Variants in TTC39A observed in about 807,000 individuals in gnomAD.
The protein encoded by TTC39A is tetratricopeptide repeat domain 39A, also known as tetratricopeptide repeat protein 39A.
A neutral mutation model predicts 82.3 loss-of-function variants in TTC39A; 46 were observed. The ratio of observed to expected loss-of-function variants is 0.56; its 90% CI spans 0.44 to 0.71. The LOEUF is 0.71. TTC39A is among the 30% of genes least tolerant of loss of function. TTC39A has a pLI of 0.00. For missense variants in TTC39A, 543 were observed against 712.9 expected, an observed-to-expected ratio of 0.76 and a Z score of 2.71; for synonymous variants, 254 against 275.2, an observed-to-expected ratio of 0.92 and a Z score of 0.76.
intron 1 of TTC39A, among the ~76,000 whole-genome samples, chr1:51,327,590 A>G (rs1645758074): frequency 6.6e-6 from 1 of 152,196 alleles, no homozygotes; most frequent in Non-Finnish European, 1.5e-5. Context: ...TGGGAATGAC[A>G]GTACTTACCT....
rs372567353 is a variant in TTC39A at position 51,294,353 on chromosome 1, T to C, written c.1266+38A>G. The stretch of plus-strand genomic sequence containing the variant: ...CTCTCAGTGAATCCCCACAATCCTA[T>C]ACCCGGAGGGCAGCGCCAGTCCAGA... On this transcript the variant is annotated intron_variant, in intron 14 of 17. Coordinates refer to ENST00000680483, the MANE Select transcript of TTC39A (RefSeq NM_001297663.2). The surrounding 1 kb of genome is among the most constrained non-coding windows in gnomAD (Gnocchi z 4.3). The C allele has an allele frequency of 2.2e-5, 36 of 1,613,208 alleles. No homozygotes were observed. The highest frequency in any genetic ancestry group is 3.3e-5 in the South Asian group (3 of 91,070).
rs550158381 is a variant in TTC39A at position 51,309,719 on chromosome 1, G to A, written c.424-394C>T. On this transcript the variant is annotated intron_variant, in intron 5 of 17. Coordinates refer to ENST00000680483, the MANE Select transcript of TTC39A (RefSeq NM_001297663.2). ...CTCTGTTGCCTACAGCCAGCCAGCA[G>A]CTCTATTCACTGTGTACACCCAACG... 2.0e-5 allele frequency among the ~76,000 whole-genome samples: 3 copies of A among 152,318 alleles called. No individual in the cohort carries two copies. In the South Asian group the frequency reaches 6.2e-4, roughly 32 times the overall value.
intron 12 of TTC39A, among the ~76,000 whole-genome samples, chr1:51,296,542 C>T (rs960672365): frequency 2.0e-5 from 3 of 152,248 alleles, no homozygotes; most frequent in Admixed American, 2.0e-4. Flanking sequence ...CCCAGACAGG[C>T]CTTCCAGCCA....
upstream of TTC39A, chr1:51,331,849 G>A (rs915086554): frequency 2.0e-5 from 20 of 980,706 alleles, no homozygotes; most frequent in Non-Finnish European, 2.4e-5. Context: ...CCTGGAAGAG[G>A]TGGTGACAGA....
Position 51,294,573 on chromosome 1 carries a change from C to CCA in TTC39A, c.1146-64_1146-63dup. 1 of 1,603,570 alleles carries CCA rather than the reference C, an allele frequency of 6.2e-7. No individual in the cohort carries two copies. The highest frequency in any genetic ancestry group is 1.1e-5 in the South Asian group (1 of 89,702). On this transcript the variant is annotated intron_variant, in intron 13 of 17. Transcript: ENST00000680483. The surrounding 1 kb of genome is among the most constrained non-coding windows in gnomAD (Gnocchi z 4.3). ...AAGAGCAGGAGAGGGCAGAGGGTCC[C>CCA]CAGCCTACCCAGCTATGCTTGGCGC...
chr1:51,299,058 G>A (rs971621320), intron 12 of TTC39A: 10 of 152,336 alleles, frequency 6.6e-5, no homozygotes, highest in Admixed American at 2.6e-4. Context: ...CAAAAGCTTC[G>A]GGAAAGGATT....
chr1:51,328,272 C>A (rs553604430), intron 1 of TTC39A, among the ~76,000 whole-genome samples: 1 of 152,318 alleles, frequency 6.6e-6, no homozygotes, highest in African/African-American at 2.4e-5. Flanking sequence ...TCGTGAAACA[C>A]ATGTGCAAAC....
Position 51,289,968 on chromosome 1 carries a change from A to C in TTC39A, c.1493+37T>G, listed in dbSNP as rs150130613. 210 of 1,568,152 alleles carry C rather than the reference A, an allele frequency of 1.3e-4. No individual in the cohort carries two copies. The East Asian group carries it at 4.3e-3, about 32-fold the overall frequency. On this transcript the variant is annotated intron_variant, in intron 16 of 17. Coordinates refer to ENST00000680483, the MANE Select transcript of TTC39A (RefSeq NM_001297663.2). ...AAGCCCTGAATATTCTACCCAGGAG[A>C]CTCAGACCCAGAAGGAGCAGCTGCA...
At chr1:51,319,101 G>A (rs1645398291) in intron 2 of TTC39A, among the ~76,000 whole-genome samples, 1 of 152,148 alleles carries the variant, frequency 6.6e-6, no homozygotes, top group Non-Finnish European at 1.5e-5. Flanking sequence ...CTTAATACAT[G>A]CCAGGCACTG....
chr1:51,322,572 GTAAATGAATGAA>G lies in TTC39A; in HGVS notation c.42-759_42-748del, dbSNP rs1200791526. Among the ~76,000 whole-genome samples, 14 of 104,962 alleles carry G rather than the reference GTAAATGAATGAA, an allele frequency of 1.3e-4. No individual in the cohort carries two copies. In the East Asian group the frequency reaches 2.0e-3, roughly 15 times the overall value. 68.9% of individuals were successfully genotyped at this position (104,962 alleles called of 152,430 possible). ...TAGGCTTTTAATAAATATCTGTTAGGTAAATGAATGAATGAATGAATGAATGAATGAATGAAT... is the reference window on the plus strand; with the variant it reads ...TAGGCTTTTAATAAATATCTGTTAGGTGAATGAATGAATGAATGAATGAAT... On this transcript the variant is annotated intron_variant, in intron 1 of 17. Transcript: ENST00000680483.
At chr1:51,313,844 A>C (rs1197012495) in intron 2 of TTC39A, among the ~76,000 whole-genome samples, 1 of 152,148 alleles carries the variant, frequency 6.6e-6, no homozygotes, top group Non-Finnish European at 1.5e-5. Flanking sequence ...AAAAAGTAAT[A>C]ATAATTTTTT....
At chr1:51,311,346 G>C (rs754319817) in intron 4 of TTC39A, 25 bp from the exon 5 acceptor site, 4 of 1,555,684 alleles carry the variant, frequency 2.6e-6, no homozygotes, top group African/African-American at 2.7e-5. Flanking sequence ...CCAAAGCCCC[G>C]TGGCCTCCTG....
chr1:51,288,806 G>T lies in TTC39A; in HGVS notation c.1610+33C>A, dbSNP rs760088555. 1.9e-6 allele frequency: 3 copies of T among 1,559,540 alleles called. No homozygotes were observed. Among genetic ancestry groups the T allele is most frequent in the Non-Finnish European group, 8.7e-7 (1 of 1,148,816 alleles). ...AGCTCCTGAGCTGAGTTCAGAGGGA[G>T]CAAAGGACAGACTGAGGTTACCCAA... On this transcript the variant is annotated intron_variant, in intron 17 of 17. Transcript: ENST00000680483. The surrounding 1 kb of genome is among the most constrained non-coding windows in gnomAD (Gnocchi z 4.8).
At chr1:51,302,819 C>T (rs1644724448) in intron 9 of TTC39A, among the ~76,000 whole-genome samples, 1 of 152,202 alleles carries the variant, frequency 6.6e-6, no homozygotes, top group Non-Finnish European at 1.5e-5. Context: ...CCATAAGGTG[C>T]TGTACACAGT....
At chr1:51,298,550 G>GT (rs1210500793) in intron 12 of TTC39A, 1 of 152,378 alleles carries the variant, frequency 6.6e-6, no homozygotes, top group Non-Finnish European at 1.5e-5. Context: ...GGGTTAGGAT[G>GT]GGGGCTGTGA....
intron 13 of TTC39A, among the ~76,000 whole-genome samples, chr1:51,295,010 C>T (rs973229163): frequency 1.3e-5 from 2 of 152,190 alleles, no homozygotes; most frequent in African/African-American, 2.4e-5. Flanking sequence ...CCACCAGGCA[C>T]GCCCCCACAT....
chr1:51,331,329 G>T, upstream of TTC39A: 1 of 1,522,952 alleles, frequency 6.6e-7, no homozygotes, highest in South Asian at 1.2e-5. Flanking sequence ...GTCTCCACCT[G>T]ACCTGATCTT....
At chr1:51,319,692 TC>T (rs890806773) in intron 2 of TTC39A, among the ~76,000 whole-genome samples, 1 of 151,252 alleles carries the variant, frequency 6.6e-6, no homozygotes, top group African/African-American at 2.4e-5. Context: ...TTTTTCTTTT[TC>T]TTTTTTTTTT....
In TTC39A at chr1:51,321,604, C is replaced by A; in HGVS notation, c.146+117G>T. On this transcript the variant is annotated intron_variant, in intron 2 of 17. Coordinates refer to ENST00000680483, the MANE Select transcript of TTC39A (RefSeq NM_001297663.2). This position sits in a 1 kb window ranked among gnomAD's most constrained non-coding sequence, Gnocchi z 4.6. ...CATTTTTATGGGACTTCTCAGAGGT[C>A]CTGGTGACCCAGAAAGCCAAAGGCA... The A allele has an allele frequency of 1.1e-6, 1 of 905,650 alleles. No individual in the cohort carries two copies. The highest frequency in any genetic ancestry group is 1.7e-6 in the Non-Finnish European group (1 of 576,664). 56.1% of individuals were successfully genotyped at this position (905,650 alleles called of 1,614,324 possible).
Sources: gnomAD v4.1 joint callset for allele counts (sites outside exome capture counted in the v4.1 genomes callset) on GRCh38, gnomAD v4.1.1 for gene constraint, Gnocchi (gnomAD v3.1) non-coding constraint, MANE v1.5 for transcripts, NCBI Gene and HGNC (gene_info 2026-07-23, HGNC 2026-07-21) for gene names.